The following POM121C variants were observed in gnomAD, a reference collection of about 807,000 sequenced individuals.
POM121C encodes nuclear envelope pore membrane protein POM 121C.
A neutral mutation model predicts 66.4 loss-of-function variants in POM121C; 20 were observed. The observed-to-expected ratio is 0.30, with a 90% CI of 0.21 to 0.44. The LOEUF is 0.44. Among genes scored for constraint, POM121C ranks in the 20% least tolerant of loss-of-function variants. POM121C has a pLI of 1.00. For missense variants in POM121C, 580 were observed against 1,225.7 expected (o/e 0.47, Z 7.87); for synonymous variants, 286 against 528.0 (o/e 0.54, Z 6.28).
chr7:75,473,077 A>G (rs1791936115), intron 3 of POM121C, among the ~76,000 whole-genome samples: 1 of 152,198 alleles, frequency 6.6e-6, no homozygotes, highest in Admixed American at 6.5e-5. Context: ...ACAATCAAAT[A>G]GTGGGAGGTG....
chr7:75,436,535 A>G (rs1790419409), intron 7 of POM121C, among the ~76,000 whole-genome samples: 1 of 152,224 alleles, frequency 6.6e-6, no homozygotes, highest in Non-Finnish European at 1.5e-5. Context: ...GTTCATTTAT[A>G]TGACTCAGAG....
rs1791951623 is a variant in POM121C, at chr7:75,473,594, GGAGGAC to G, written c.-152+1104_-152+1109del. On this transcript the variant is annotated intron_variant, in intron 3 of 14. Transcript: ENST00000615331. ...TGTGACTCAATTCACAAGCACAGGT[GGAGGAC>G]GAGGTTTTGGTATCTGAATGCCTAA... is the stretch of plus-strand genomic sequence containing the variant. 3.3e-5 allele frequency among the ~76,000 whole-genome samples: 5 copies of G among 152,294 alleles called. No homozygotes were observed. The South Asian group carries it at 1.0e-3, about 32-fold the overall frequency.
chr7:75,460,209 T>C (rs1584696392), intron 3 of POM121C, among the ~76,000 whole-genome samples: 1 of 140,414 alleles, frequency 7.1e-6, no homozygotes, highest in Non-Finnish European at 1.5e-5. Context: ...AAATGACTCA[T>C]GGCCAAGTGT....
intron 7 of POM121C, among the ~76,000 whole-genome samples, chr7:75,428,772 G>T (rs1199863183): frequency 2.0e-5 from 3 of 152,158 alleles, no homozygotes; most frequent in African/African-American, 7.2e-5. Context: ...CTGAGGTCAG[G>T]AGTTCGAGAA....
chr7:75,419,691 G>A (rs1789615509), intron 13 of POM121C: 2 of 504,636 alleles, frequency 4.0e-6, no homozygotes, highest in Non-Finnish European at 7.0e-6. Flanking sequence ...CTGCCCCGCA[G>A]CCACCTCGTG....
At chr7:75,420,623 T>C (rs1789666669) in intron 13 of POM121C, 2 of 152,272 alleles carry the variant, frequency 1.3e-5, no homozygotes, top group Admixed American at 6.5e-5. Flanking sequence ...TTTATACACT[T>C]TATCCCGACC....
chr7:75,438,558 A>G (rs2116399297), intron 6 of POM121C, among the ~76,000 whole-genome samples: 1 of 152,310 alleles, frequency 6.6e-6, no homozygotes, highest in Non-Finnish European at 1.5e-5. Context: ...GTTTGTGTAC[A>G]TCCTCCCTCG....
intron 13 of POM121C, chr7:75,420,143 T>TC (rs1789635920): frequency 6.6e-6 from 1 of 152,218 alleles, no homozygotes; most frequent in African/African-American, 2.4e-5. Context: ...ACTGGCTTCC[T>TC]CCCCATCACC....
At chr7:75,477,596 C>A (rs1554479575) in intron 1 of POM121C, among the ~76,000 whole-genome samples, 2 of 151,738 alleles carry the variant, frequency 1.3e-5, no homozygotes, top group Admixed American at 1.3e-4. Flanking sequence ...GGAAGAAAAT[C>A]AAAAATAGCT....
At chr7:75,473,406 G>A (rs1375323214) in intron 3 of POM121C, among the ~76,000 whole-genome samples, 2 of 151,826 alleles carry the variant, frequency 1.3e-5, no homozygotes, top group African/African-American at 4.8e-5. Context: ...CACACTTCCT[G>A]AATGTCTACT....
chr7:75,459,917 A>C (rs1791389811), intron 3 of POM121C, among the ~76,000 whole-genome samples: 1 of 148,620 alleles, frequency 6.7e-6, no homozygotes, highest in African/African-American at 2.5e-5. Flanking sequence ...GATACTAGCC[A>C]ATGATCATAA....
At position 75,419,429 on chromosome 7, in the gene POM121C, G is replaced by C. The variant is rs782534534; in HGVS notation, c.2757C>G (p.Pro919=). 1 of 1,613,240 alleles carries C rather than the reference G, an allele frequency of 6.2e-7. No homozygotes were observed. The highest frequency in any genetic ancestry group is 1.1e-5 in the South Asian group (1 of 91,020). Residue 919 remains proline (P), a synonymous_variant, in exon 14 of 15, where the codon CCC becomes CCG. Coordinates refer to ENST00000615331, the MANE Select transcript of POM121C (RefSeq NM_001099415.3). The part of the protein sequence containing the change: ...SKPVFGGTAT[P]TFGQNTPAPG... ...GCGCAGGGGTGTTCTGACCAAAGGT[G>C]GGGGTGGCGGTGCCTGGAATGAAGA...
In POM121C at chr7:75,460,218, G is replaced by A. The variant is rs1380115757; in HGVS notation, c.-152+14486C>T. Among the ~76,000 whole-genome samples the A allele has an allele frequency of 4.3e-5, 6 of 140,506 alleles. No individual in the cohort carries two copies. The East Asian group carries it at 1.2e-3, about 27-fold the overall frequency. The allele number at this position is 140,506 out of a possible 152,430, so 92.2% of individuals were successfully genotyped here. A position where few individuals can be genotyped will look rare whatever the true frequency, so the allele number is the denominator to read the frequency against. ...TTTTAAAAATGACTCATGGCCAAGT[G>A]TGGTAGCTTATGCCTATAATCCCAG... On this transcript the variant is annotated intron_variant, in intron 3 of 14. Transcript: ENST00000615331.
At chr7:75,424,414 G>T in intron 11 of POM121C, 112 bp downstream of exon 11, 1 of 1,469,906 alleles carries the variant, frequency 6.8e-7, no homozygotes, top group Non-Finnish European at 9.4e-7. Flanking sequence ...AGAAAACATG[G>T]AACTCTACTT....
intron 13 of POM121C, chr7:75,420,446 G>C (rs1789654844): frequency 2.7e-5 from 4 of 150,236 alleles, no homozygotes; most frequent in Admixed American, 6.6e-5. Flanking sequence ...GCTGACCTTA[G>C]ATCTATACCC....
chr7:75,432,600 C>T (rs1444485112), intron 7 of POM121C, among the ~76,000 whole-genome samples: 1 of 152,076 alleles, frequency 6.6e-6, no homozygotes, highest in African/African-American at 2.4e-5. Context: ...TATTACTTGA[C>T]CTGAGTGGTG....
At chr7:75,471,161 G>A (rs1386403239) in intron 3 of POM121C, among the ~76,000 whole-genome samples, 2 of 152,098 alleles carry the variant, frequency 1.3e-5, no homozygotes, top group African/African-American at 4.8e-5. Context: ...CATCTAAACC[G>A]ACCACAGTTG....
At chr7:75,436,498 A>AG (rs1790416907) in intron 7 of POM121C, among the ~76,000 whole-genome samples, 1 of 152,214 alleles carries the variant, frequency 6.6e-6, no homozygotes. Flanking sequence ...ATAATTTAAG[A>AG]GGGGTAATGG....
chr7:75,451,940 G>C (rs1255395878), intron 3 of POM121C, among the ~76,000 whole-genome samples: 3 of 148,828 alleles, frequency 2.0e-5, no homozygotes, highest in Non-Finnish European at 4.5e-5. Flanking sequence ...GCCAAGGCAG[G>C]TGGATCACCT....
Sources: allele counts gnomAD v4.1 joint callset (sites outside exome capture counted in the v4.1 genomes callset), GRCh38; gene constraint gnomAD v4.1.1; transcripts MANE v1.5; gene names NCBI Gene and HGNC (gene_info 2026-07-23, HGNC 2026-07-21).